NYAP2: variants seen among roughly 807,000 people sequenced by gnomAD.
NYAP2 encodes neuronal tyrosine-phosphorylated phosphoinositide-3-kinase adapter 2.
NYAP2 carries 23 observed loss-of-function variants against 50.4 expected under a neutral mutation model. That is an observed-to-expected ratio of 0.46 (90% CI 0.33 to 0.65). The LOEUF is 0.65. Among genes scored for constraint, NYAP2 ranks in the 30% least tolerant of loss-of-function variants. The pLI is 0.02. For missense variants in NYAP2, 885 were observed against 861.0 expected, an observed-to-expected ratio of 1.03 and a Z score of -0.35; for synonymous variants, 394 against 365.2, an observed-to-expected ratio of 1.08 and a Z score of -0.90.
At chr2:225,681,540 C>T in the NYAP2 span, among the ~76,000 whole-genome samples, 1 of 152,188 alleles carries the variant, frequency 6.6e-6, no homozygotes, top group Non-Finnish European at 1.5e-5. Context: ...ATTCCATTCA[C>T]TGGCATTATC....
intron 3 of NYAP2, among the ~76,000 whole-genome samples, chr2:225,489,027 C>A (rs1690358052): frequency 6.6e-6 from 1 of 152,142 alleles, no homozygotes; most frequent in South Asian, 2.1e-4. Context: ...ACTTCATCTG[C>A]AAAATGATTT....
intron 6 of NYAP2, among the ~76,000 whole-genome samples, chr2:225,644,197 C>A (rs200840376): frequency 4.6e-5 from 7 of 151,738 alleles, no homozygotes; most frequent in South Asian, 2.1e-4. Flanking sequence ...GCCAGTGATG[C>A]TGAGCATTTT....
At chr2:225,402,934 T>G (rs189557096) in intron 2 of NYAP2, among the ~76,000 whole-genome samples, 149 of 152,122 alleles carry the variant, frequency 9.8e-4, no homozygotes, top group Non-Finnish European at 1.1e-3. Context: ...GTCTGATGAT[T>G]TGGTCCTATG....
intron 5 of NYAP2, among the ~76,000 whole-genome samples, chr2:225,586,364 GA>G (rs1692389563): frequency 6.6e-6 from 1 of 152,072 alleles, no homozygotes; most frequent in Admixed American, 6.6e-5. Flanking sequence ...ATTGTTATAG[GA>G]AGTGTTTTTT....
At chr2:225,680,086 T>C in the NYAP2 span, among the ~76,000 whole-genome samples, 3 of 152,158 alleles carry the variant, frequency 2.0e-5, no homozygotes, top group Non-Finnish European at 2.9e-5. Context: ...TCTTCACACT[T>C]TCCCTTGTTG....
intron 3 of NYAP2, among the ~76,000 whole-genome samples, chr2:225,473,314 G>A (rs904173627): frequency 6.6e-6 from 1 of 152,140 alleles, no homozygotes; most frequent in Non-Finnish European, 1.5e-5. Context: ...AATCCTTTGG[G>A]TATATACCCA....
intron 4 of NYAP2, among the ~76,000 whole-genome samples, chr2:225,523,951 T>A (rs1251088039): frequency 6.6e-6 from 1 of 152,178 alleles, no homozygotes; most frequent in Non-Finnish European, 1.5e-5. Flanking sequence ...AAATGTACAC[T>A]GAGGATAGAA....
intron 3 of NYAP2, among the ~76,000 whole-genome samples, chr2:225,510,458 C>T (rs1384253821): frequency 2.0e-5 from 3 of 152,110 alleles, no homozygotes; most frequent in African/African-American, 7.2e-5. Context: ...CAATCATTGC[C>T]CTTCATATGG....
chr2:225,587,933 CT>C (rs985033003), intron 5 of NYAP2, among the ~76,000 whole-genome samples: 32 of 149,256 alleles, frequency 2.1e-4, no homozygotes, highest in African/African-American at 4.4e-4. Flanking sequence ...GTAGTAAATA[CT>C]TTTTTTTTTA....
the NYAP2 span, among the ~76,000 whole-genome samples, chr2:225,697,485 T>G: frequency 6.6e-6 from 1 of 151,992 alleles, no homozygotes; most frequent in East Asian, 1.9e-4. Context: ...TAAAATCATT[T>G]TGATGAGATG....
At chr2:225,398,671 G>A (rs1281199910), upstream of NYAP2, among the ~76,000 whole-genome samples, 2 of 151,890 alleles carry the variant, frequency 1.3e-5, no homozygotes, top group Non-Finnish European at 2.9e-5. Flanking sequence ...GGGATAGGGG[G>A]AAGAGAATAT....
chr2:225,528,715 C>T (rs769730796), intron 4 of NYAP2, among the ~76,000 whole-genome samples: 13 of 152,318 alleles, frequency 8.5e-5, no homozygotes, highest in Non-Finnish European at 1.3e-4. Flanking sequence ...GTTCTTGATA[C>T]AGCAAACCCA....
intron 3 of NYAP2, among the ~76,000 whole-genome samples, chr2:225,410,379 C>G (rs746821152): frequency 1.7e-4 from 26 of 151,840 alleles, no homozygotes; most frequent in Non-Finnish European, 3.2e-4. Context: ...CCAATTTTAA[C>G]TGGTGTCATG....
chr2:225,683,615 T>C, the NYAP2 span, among the ~76,000 whole-genome samples: 5 of 152,186 alleles, frequency 3.3e-5, no homozygotes, highest in Admixed American at 6.5e-5. Context: ...TCCTTCTACA[T>C]ACATGTCTCT....
chr2:225,587,302 T>C (rs1692405193), intron 5 of NYAP2, among the ~76,000 whole-genome samples: 1 of 151,972 alleles, frequency 6.6e-6, no homozygotes, highest in Non-Finnish European at 1.5e-5. Flanking sequence ...AAATTTACAA[T>C]CTGAGGGAAA....
Position 225,625,492 on chromosome 2 carries a change from G to A in NYAP2, c.1619-1425G>A, listed in dbSNP as rs1264271010. The stretch of plus-strand genomic sequence containing the variant: ...GAGATGACCATGACCCTGCAAGAGT[G>A]GTGAATGGGTGGGAGGGCTTCAGAG... On this transcript the variant is annotated intron_variant, in intron 5 of 6. Coordinates refer to ENST00000636099, the Ensembl canonical transcript of NYAP2. 3.3e-5 allele frequency among the ~76,000 whole-genome samples: 5 copies of A among 152,164 alleles called. No homozygotes were observed. The East Asian group carries it at 9.6e-4, about 29-fold the overall frequency.
chr2:225,458,154 T>C (rs1049713899), intron 3 of NYAP2, among the ~76,000 whole-genome samples: 3 of 152,336 alleles, frequency 2.0e-5, no homozygotes, highest in East Asian at 1.9e-4. Context: ...TTTTCTTTAA[T>C]GATTTTTAAA....
At chr2:225,499,690 A>G (rs914776906) in intron 3 of NYAP2, among the ~76,000 whole-genome samples, 1 of 152,178 alleles carries the variant, frequency 6.6e-6, no homozygotes, top group Non-Finnish European at 1.5e-5. Context: ...AAGGACAGTG[A>G]TAAGAAGGTA....
intron 6 of NYAP2, among the ~76,000 whole-genome samples, chr2:225,648,913 G>C (rs1489558576): frequency 1.3e-5 from 2 of 152,172 alleles, no homozygotes; most frequent in African/African-American, 4.8e-5. Context: ...GGTGCAGAGG[G>C]AAAAGGCCAA....
Sources: gnomAD v4.1 joint callset for allele counts (sites outside exome capture counted in the v4.1 genomes callset) on GRCh38, gnomAD v4.1.1 for gene constraint, MANE v1.5 for transcripts, NCBI Gene and HGNC (gene_info 2026-07-23, HGNC 2026-07-21) for gene names.